Variants in GALNT16 observed in about 807,000 individuals in gnomAD.
GALNT16 encodes UDP-GalNAc:polypeptide N-acetylgalactosaminyltransferase-like protein 1.
In GALNT16, 40 loss-of-function variants were observed where a neutral mutation model predicts 76.1. The ratio of observed to expected loss-of-function variants is 0.53; its 90% CI spans 0.41 to 0.68. The LOEUF is 0.68. GALNT16 is among the 30% of genes least tolerant of loss of function. The pLI, the probability that GALNT16 is intolerant of heterozygous loss-of-function variation, is 0.00. For synonymous variants in GALNT16, 276 were observed against 285.2 expected (o/e 0.97, Z 0.32); for missense variants, 621 against 731.9 (o/e 0.85, Z 1.75).
At chr14:69,309,528 T>C (rs1281258813) in intron 1 of GALNT16, among the ~76,000 whole-genome samples, 3 of 152,128 alleles carry the variant, frequency 2.0e-5, no homozygotes, top group African/African-American at 7.2e-5. Flanking sequence ...CCCAGACTGG[T>C]CTTGAACTCC....
the GALNT16 span, among the ~76,000 whole-genome samples, chr14:69,370,863 C>T: frequency 1.1e-4 from 16 of 152,366 alleles, no homozygotes; most frequent in African/African-American, 3.8e-4. Flanking sequence ...CCATCTCCAA[C>T]AGGAACAGTG....
upstream of GALNT16, chr14:69,260,045 C>A (rs2044238827): frequency 2.3e-6 from 1 of 439,706 alleles, no homozygotes; most frequent in East Asian, 4.4e-5. Flanking sequence ...GCCCTGCGCA[C>A]GAATGAATGG....
At chr14:69,349,269 C>T (rs930914339) in intron 14 of GALNT16, 5 of 152,242 alleles carry the variant, frequency 3.3e-5, no homozygotes, top group Admixed American at 6.5e-5. Flanking sequence ...GAGGGCAAAT[C>T]CTTGAGCCCA....
chr14:69,333,737 C>T lies in GALNT16; in HGVS notation c.967+137C>T, dbSNP rs2045385378. The T allele has an allele frequency of 1.7e-6, 1 of 591,552 alleles. No individual in the cohort carries two copies. The highest frequency in any genetic ancestry group is 3.0e-5 in the East Asian group (1 of 33,110). The allele number at this position is 591,552 out of a possible 1,614,324, so 36.6% of individuals were successfully genotyped here. Reference sequence around the variant, plus strand: ...GAGGTCATTTAATTCTCTCAAGGACCCTCTGAGGTAAGTACCATGATCTCC... The same window carrying T: ...GAGGTCATTTAATTCTCTCAAGGACTCTCTGAGGTAAGTACCATGATCTCC... On this transcript the variant is annotated intron_variant, in intron 9 of 14. Coordinates refer to ENST00000448469, the MANE Select transcript of GALNT16 (RefSeq NM_001168368.2). The surrounding 1 kb of genome is among the most constrained non-coding windows in gnomAD (Gnocchi z 4.2).
intron 1 of GALNT16, among the ~76,000 whole-genome samples, chr14:69,289,613 G>A (rs1022622803): frequency 6.6e-6 from 1 of 152,082 alleles, no homozygotes; most frequent in African/African-American, 2.4e-5. Flanking sequence ...GTGGTGGTGG[G>A]GCAGACTCCT....
intron 1 of GALNT16, among the ~76,000 whole-genome samples, chr14:69,299,287 T>G (rs894190649): frequency 6.6e-6 from 1 of 152,220 alleles, no homozygotes; most frequent in African/African-American, 2.4e-5. Context: ...CAGAATTGTT[T>G]GTCAAGGCTG....
chr14:69,328,598 G>C (rs1240434584), intron 6 of GALNT16, 27 bp downstream of exon 6: 2 of 1,604,012 alleles, frequency 1.2e-6, no homozygotes, highest in Non-Finnish European at 1.7e-6. Flanking sequence ...GGGGAGCTGG[G>C]CGTCCTTGGG....
At chr14:69,368,892 C>T in the GALNT16 span, among the ~76,000 whole-genome samples, 4 of 152,206 alleles carry the variant, frequency 2.6e-5, no homozygotes, top group East Asian at 5.8e-4. Context: ...GACACTAACA[C>T]TTCAAGGGAA....
intron 1 of GALNT16, among the ~76,000 whole-genome samples, chr14:69,282,964 C>T (rs962746999): frequency 1.3e-5 from 2 of 152,118 alleles, no homozygotes; most frequent in Non-Finnish European, 2.9e-5. Context: ...CTGCACCTGG[C>T]CGAGATGATT....
At chr14:69,319,356 G>A (rs2045145490) in intron 1 of GALNT16, among the ~76,000 whole-genome samples, 1 of 152,234 alleles carries the variant, frequency 6.6e-6, no homozygotes, top group Non-Finnish European at 1.5e-5. Flanking sequence ...ATTCCACACA[G>A]CGATCCACTC....
intron 1 of GALNT16, 131 bp from the exon 2 acceptor site, chr14:69,320,577 TCTC>T: frequency 1.5e-6 from 1 of 665,110 alleles, no homozygotes; most frequent in South Asian, 2.0e-5. Context: ...GAGATAATGG[TCTC>T]CTCCTCATAG....
At chr14:69,370,143 C>G in the GALNT16 span, among the ~76,000 whole-genome samples, 1 of 152,136 alleles carries the variant, frequency 6.6e-6, no homozygotes, top group Non-Finnish European at 1.5e-5. Flanking sequence ...TGGGCGAGCT[C>G]ATTAGCATGT....
intron 12 of GALNT16, among the ~76,000 whole-genome samples, chr14:69,345,927 GC>G (rs2045557124): frequency 2.0e-5 from 3 of 152,028 alleles, no homozygotes; most frequent in African/African-American, 7.3e-5. Context: ...TCACTCTGAA[GC>G]CTAGACTGAC....
At chr14:69,366,681 T>C in the GALNT16 span, among the ~76,000 whole-genome samples, 1 of 152,226 alleles carries the variant, frequency 6.6e-6, no homozygotes, top group Non-Finnish European at 1.5e-5. Context: ...CCCTGCCTCA[T>C]ACTCCTTTAT....
At chr14:69,270,697 A>T (rs2044396660) in intron 1 of GALNT16, among the ~76,000 whole-genome samples, 1 of 152,200 alleles carries the variant, frequency 6.6e-6, no homozygotes, top group Non-Finnish European at 1.5e-5. Flanking sequence ...GACGCCTCAC[A>T]CATCTGTGAC....
chr14:69,293,678 G>A (rs1300275182), intron 1 of GALNT16, among the ~76,000 whole-genome samples: 1 of 152,134 alleles, frequency 6.6e-6, no homozygotes, highest in African/African-American at 2.4e-5. Flanking sequence ...ACCTCTCCGT[G>A]CCCAGTTTTC....
At chr14:69,298,451 C>G (rs1186442376) in intron 1 of GALNT16, 1 of 152,378 alleles carries the variant, frequency 6.6e-6, no homozygotes, top group Non-Finnish European at 1.5e-5. Flanking sequence ...CTCTTCCAAC[C>G]TGTTGGTAGG....
intron 1 of GALNT16, among the ~76,000 whole-genome samples, chr14:69,292,886 G>T (rs2044705914): frequency 6.6e-6 from 1 of 152,242 alleles, no homozygotes; most frequent in African/African-American, 2.4e-5. Flanking sequence ...GAGAGCACAA[G>T]ACCTTTTGTT....
At chr14:69,325,162 A>G (rs924051062) in intron 3 of GALNT16, among the ~76,000 whole-genome samples, 175 bp from the exon 4 acceptor site, 4 of 150,968 alleles carry the variant, frequency 2.6e-5, no homozygotes, top group Admixed American at 2.6e-4. Context: ...GTCAAGTTGA[A>G]CTCCCATCTC....
Sources: allele counts gnomAD v4.1 joint callset (sites outside exome capture counted in the v4.1 genomes callset), GRCh38; gene constraint gnomAD v4.1.1; non-coding constraint Gnocchi (gnomAD v3.1); transcripts MANE v1.5; gene names NCBI Gene and HGNC (gene_info 2026-07-23, HGNC 2026-07-21).